ATP2A2: variants seen among roughly 807,000 people sequenced by gnomAD.
The protein encoded by ATP2A2 is sarcoplasmic/endoplasmic reticulum calcium ATPase 2.
Under a neutral mutation model 109.3 loss-of-function variants are expected in ATP2A2, and 14 were observed. The observed-to-expected ratio is 0.13, with a 90% CI of 0.08 to 0.20. The LOEUF (loss-of-function observed/expected upper bound fraction) is 0.20, where lower values mean the gene tolerates loss of function less well. ATP2A2 is among the 10% of genes least tolerant of loss of function. The pLI, the probability that ATP2A2 is intolerant of heterozygous loss-of-function variation, is 1.00. For synonymous variants in ATP2A2, 506 were observed against 490.9 expected (o/e 1.03, Z -0.41); for missense variants, 657 against 1,321.6 (o/e 0.50, Z 7.80).
At chr12:110,280,981 A>G (rs942789336), upstream of ATP2A2, 1 of 152,020 alleles carries the variant, frequency 6.6e-6, no homozygotes, top group Non-Finnish European at 1.5e-5. Flanking sequence ...GGGTCAGAGA[A>G]CCGCAGGCAC....
chr12:110,308,896 G>A (rs959763830), intron 5 of ATP2A2, among the ~76,000 whole-genome samples: 5 of 152,166 alleles, frequency 3.3e-5, no homozygotes, highest in African/African-American at 9.7e-5. Flanking sequence ...AAACTGGAGA[G>A]TGTTGTAAAC....
rs184484320 is a variant in ATP2A2 at position 110,294,244 on chromosome 12, C to T, written c.324+2120C>T. Among the ~76,000 whole-genome samples the T allele has an allele frequency of 8.3e-3, 1,270 of 152,112 alleles. 2 individuals carry two copies. Among genetic ancestry groups the T allele is most frequent in the Non-Finnish European group, 9.4e-3 (642 of 67,976 alleles). On this transcript the variant is annotated intron_variant, in intron 4 of 19. Transcript: ENST00000539276. Reference sequence around the variant, plus strand: ...ACTTTTAATAGAGACGGGGTTTCACCGTGTTAGCCAGGATGGTCTCGATCT... The same window carrying T: ...ACTTTTAATAGAGACGGGGTTTCACTGTGTTAGCCAGGATGGTCTCGATCT...
Position 110,340,132 on chromosome 12 carries a change from C to T in ATP2A2, c.1761+411C>T, listed in dbSNP as rs189577325. On this transcript the variant is annotated intron_variant, in intron 13 of 19. Coordinates refer to ENST00000539276, the MANE Select transcript of ATP2A2 (RefSeq NM_170665.4). The surrounding 1 kb of genome is among the most constrained non-coding windows in gnomAD (Gnocchi z 6.0). ...TTCTTTTATATCAAGGATGTGACAT[C>T]CTAAAGCTATGAACAAAATGAAGAA... Among the ~76,000 whole-genome samples, 97 of 152,250 alleles carry T rather than the reference C, an allele frequency of 6.4e-4. No homozygotes were observed. The highest frequency in any genetic ancestry group is 1.9e-3 in the African/African-American group (79 of 41,528).
Position 110,346,449 on chromosome 12 carries a change from T to C in ATP2A2, c.3108T>C (p.Phe1036=). 1.9e-6 allele frequency: 3 copies of C among 1,614,236 alleles called. No homozygotes were observed. Among genetic ancestry groups the C allele is most frequent in the Admixed American group, 1.7e-5 (1 of 60,024 alleles). Residue 1036 remains phenylalanine, a synonymous_variant, in exon 20 of 20, where the codon TTT becomes TTC. Coordinates refer to ENST00000539276, the MANE Select transcript of ATP2A2 (RefSeq NM_170665.4). Reference sequence around the variant, plus strand: ...GGGTCTATAGCACAGACACTAACTTTAGCGATATGTTCTGGTCTTGACTGA... The same window carrying C: ...GGGTCTATAGCACAGACACTAACTTCAGCGATATGTTCTGGTCTTGACTGA... The part of the protein sequence containing the change: ...VIWVYSTDTN[F]SDMFWS
rs761683385 is a variant in ATP2A2 at position 110,345,253 on chromosome 12, A to G, written c.2612A>G (p.His871Arg). ...TTTGATTGGATTTTCTTGCAGAGTC[A>G]TTTCCTACAGTGTAAAGAGGACAAC... Reference protein sequence around the residue: ...GPRVSFYQLSHFLQCKEDNPD... With the variant: ...GPRVSFYQLSRFLQCKEDNPD... Residue 871 changes from histidine (H) to arginine (R), a missense_variant, in exon 18 of 20, where the codon CAT (histidine) becomes CGT (arginine). Around this residue, in one of 9 missense-constraint regions of ATP2A2, gnomAD observed 125 missense variants for 243.5 expected, o/e 0.51. Transcript: ENST00000539276. 1 of 1,614,182 alleles carries G rather than the reference A, an allele frequency of 6.2e-7. No individual in the cohort carries two copies. Among genetic ancestry groups the G allele is most frequent in the South Asian group, 1.1e-5 (1 of 91,082 alleles).
chr12:110,303,448 G>C (rs1333141677), intron 5 of ATP2A2, among the ~76,000 whole-genome samples: 1 of 151,936 alleles, frequency 6.6e-6, no homozygotes, highest in African/African-American at 2.4e-5. Flanking sequence ...GTCTCGCTCT[G>C]TTGCCAGGCT....
chr12:110,347,336 CTT>C lies in ATP2A2; in HGVS notation c.*868_*869del. 1.6e-6 allele frequency: 2 copies of C among 1,286,442 alleles called. No individual in the cohort carries two copies. The highest frequency in any genetic ancestry group is 1.0e-6 in the Non-Finnish European group (1 of 986,642). 79.7% of individuals were successfully genotyped at this position (1,286,442 alleles called of 1,614,324 possible). A position where few individuals can be genotyped will look rare whatever the true frequency, so the allele number is the denominator to read the frequency against. On this transcript the variant is annotated 3_prime_UTR_variant, in exon 20 of 20. Transcript: ENST00000539276. ...GGACAGAGAAAAATAACTGTCTTGT[CTT>C]TAACTCGTAAGTGGCTTACCTGGGA... is the stretch of plus-strand genomic sequence containing the variant.
chr12:110,290,385 TG>T (rs768080506), intron 3 of ATP2A2, among the ~76,000 whole-genome samples: 31 of 152,244 alleles, frequency 2.0e-4, no homozygotes, highest in Non-Finnish European at 3.8e-4. Context: ...GTGATCAAGT[TG>T]TTTATACTGT....
rs1337255311 is a variant in ATP2A2 at position 110,281,873 on chromosome 12, G to A, written c.84G>A (p.Gln28=). The change falls in exon 1 of 20, where the codon CAG becomes CAA. Residue 28 remains glutamine, a synonymous_variant. Transcript: ENST00000539276. ...AGAGTACGGGGCTGAGCCTGGAACA[G>A]GTCAAGAAGCTTAAGGAGAGATGGG... ...VNESTGLSLE[Q]VKKLKERWGS... 1 of 1,581,058 alleles carries A rather than the reference G, an allele frequency of 6.3e-7. No homozygotes were observed. Among genetic ancestry groups the A allele is most frequent in the Non-Finnish European group, 8.6e-7 (1 of 1,165,580 alleles).
At chr12:110,300,158 C>G in intron 5 of ATP2A2, among the ~76,000 whole-genome samples, 1 of 130,034 alleles carries the variant, frequency 7.7e-6, no homozygotes, top group South Asian at 2.8e-4. Context: ...TTCTGTCCTC[C>G]CTCTTTTCCT....
chr12:110,306,319 G>T (rs1037238872), intron 5 of ATP2A2, among the ~76,000 whole-genome samples: 1 of 152,232 alleles, frequency 6.6e-6, no homozygotes, highest in African/African-American at 2.4e-5. Flanking sequence ...GATTACAGGC[G>T]TGAGCCACCG....
intron 4 of ATP2A2, among the ~76,000 whole-genome samples, chr12:110,295,197 C>T (rs758127990): frequency 6.6e-6 from 1 of 152,008 alleles, no homozygotes; most frequent in Non-Finnish European, 1.5e-5. Context: ...GACAGCTTCA[C>T]TCTTGCCCAG....
chr12:110,289,033 T>G (rs1010817107), intron 3 of ATP2A2, among the ~76,000 whole-genome samples: 2 of 152,224 alleles, frequency 1.3e-5, no homozygotes, highest in African/African-American at 4.8e-5. Context: ...TGGTTGTTCT[T>G]CATTTTGGGC....
At chr12:110,282,257 G>C (rs1477364309) in intron 1 of ATP2A2, among the ~76,000 whole-genome samples, 1 of 152,226 alleles carries the variant, frequency 6.6e-6, no homozygotes, top group East Asian at 1.9e-4. Context: ...AGTCGAGGTC[G>C]TTGGAAGGCC....
intron 5 of ATP2A2, among the ~76,000 whole-genome samples, chr12:110,309,114 T>TA (rs1321449074): frequency 1.3e-5 from 2 of 148,736 alleles, no homozygotes; most frequent in Non-Finnish European, 3.0e-5. Flanking sequence ...TTGAGGGAGA[T>TA]ATGGAGAGAG....
rs1271093654 is a variant in ATP2A2, at chr12:110,340,825, A to G, written c.1928A>G (p.Gln643Arg). 1.9e-6 allele frequency: 3 copies of G among 1,614,270 alleles called. No homozygotes were observed. The South Asian group carries it at 3.3e-5, about 18-fold the overall frequency. ...TGTCGCCGCATCGGCATCTTCGGGC[A>G]GGATGAGGACGTGACGTCAAAAGCT... ...AICRRIGIFG[Q>R]DEDVTSKAFT... The change falls in exon 14 of 20, where the codon CAG (glutamine) becomes CGG (arginine). Residue 643 changes from glutamine to arginine, a missense_variant. Transcript: ENST00000539276. The surrounding 1 kb of genome is among the most constrained non-coding windows in gnomAD (Gnocchi z 6.0).
intron 8 of ATP2A2, chr12:110,332,301 G>A: frequency 4.9e-6 from 2 of 411,688 alleles, no homozygotes; most frequent in Non-Finnish European, 9.1e-6. Context: ...ATTTTGTGTG[G>A]GTTGTTGTGT....
chr12:110,312,845 G>A (rs572547301), intron 5 of ATP2A2, among the ~76,000 whole-genome samples: 7 of 136,166 alleles, frequency 5.1e-5, no homozygotes, highest in Non-Finnish European at 9.3e-5. Flanking sequence ...GCGAGACTCT[G>A]TTGCAAAAAA....
rs1879821773 is a variant in ATP2A2, at chr12:110,346,036, C to G, written c.2777C>G (p.Pro926Arg). Residue 926 changes from proline to arginine, a missense_variant, in exon 19 of 20, where the codon CCC (proline) becomes CGC (arginine). Physicochemically the swap from Pro to Arg is moderately radical, Grantham distance 103. Transcript: ENST00000539276. ...SENQSLLRMP[P>R]WENIWLVGSI... is the part of the protein sequence containing the mutation. ...AACCAGTCCTTGCTGAGGATGCCCC[C>G]CTGGGAGAACATCTGGCTCGTGGGC... The G allele has an allele frequency of 6.2e-7, 1 of 1,614,058 alleles. No homozygotes were observed. The highest frequency in any genetic ancestry group is 1.3e-5 in the African/African-American group (1 of 74,898).
Sources: gnomAD v4.1 joint callset for allele counts (sites outside exome capture counted in the v4.1 genomes callset) on GRCh38, gnomAD v4.1.1 for gene constraint, gnomAD v4.1.1 regional missense constraint, Gnocchi (gnomAD v3.1) non-coding constraint, MANE v1.5 for transcripts, NCBI Gene and HGNC (gene_info 2026-07-23, HGNC 2026-07-21) for gene names.